FAM135A: variants seen among roughly 807,000 people sequenced by gnomAD.
FAM135A encodes the protein family with sequence similarity 135 member A, also known as protein FAM135A.
FAM135A carries 79 observed loss-of-function variants against 146.8 expected under a neutral mutation model. That is an observed-to-expected ratio of 0.54 (90% CI 0.45 to 0.65). The LOEUF is 0.65. Among genes scored for constraint, FAM135A ranks in the 30% least tolerant of loss-of-function variants. FAM135A has a pLI of 0.00. For synonymous variants in FAM135A, 562 were observed against 603.6 expected, an observed-to-expected ratio of 0.93 and a Z score of 1.01; for missense variants, 1,623 against 1,758.2, an observed-to-expected ratio of 0.92 and a Z score of 1.38.
At chr6:70,499,058 T>A (rs1323263261) in intron 11 of FAM135A, among the ~76,000 whole-genome samples, 4 of 152,182 alleles carry the variant, frequency 2.6e-5, no homozygotes, top group Non-Finnish European at 4.4e-5. Context: ...TTGATCTGTC[T>A]AATATTGACA....
chr6:70,430,390 A>T (rs1173532154), intron 4 of FAM135A, among the ~76,000 whole-genome samples: 2 of 152,064 alleles, frequency 1.3e-5, no homozygotes, highest in East Asian at 3.8e-4. Context: ...CCTTCAATTG[A>T]CACACTGTTA....
At chr6:70,479,833 A>G (rs914056848) in intron 8 of FAM135A, among the ~76,000 whole-genome samples, 2 of 151,996 alleles carry the variant, frequency 1.3e-5, no homozygotes, top group African/African-American at 4.8e-5. Flanking sequence ...GTGGCTTAGG[A>G]TTTCTTTCTT....
At chr6:70,491,345 CTTCTG>C in intron 11 of FAM135A, among the ~76,000 whole-genome samples, 1 of 151,976 alleles carries the variant, frequency 6.6e-6, no homozygotes, top group Middle Eastern at 3.4e-3. Flanking sequence ...AGTACATTTT[CTTCTG>C]TTCACTCACT....
chr6:70,482,525 T>A (rs1464834919), intron 10 of FAM135A, among the ~76,000 whole-genome samples: 1 of 152,162 alleles, frequency 6.6e-6, no homozygotes, highest in Non-Finnish European at 1.5e-5. Flanking sequence ...CTAATCAGAT[T>A]GTAGGTACTT....
chr6:70,507,007 A>C (rs1789926372), intron 12 of FAM135A, among the ~76,000 whole-genome samples: 1 of 151,996 alleles, frequency 6.6e-6, no homozygotes, highest in Admixed American at 6.6e-5. Flanking sequence ...CAACTTTGAG[A>C]AGAAGGGACA....
chr6:70,505,708 G>A (rs1311439734), intron 12 of FAM135A, among the ~76,000 whole-genome samples: 2 of 151,672 alleles, frequency 1.3e-5, no homozygotes, highest in Admixed American at 6.6e-5. Context: ...CTAGTTGTTT[G>A]TGCCTTCACT....
At chr6:70,443,335 T>C (rs1774983943) in intron 4 of FAM135A, among the ~76,000 whole-genome samples, 1 of 152,242 alleles carries the variant, frequency 6.6e-6, no homozygotes, top group Non-Finnish European at 1.5e-5. Context: ...AACCTCCTAG[T>C]GCAATACATT....
chr6:70,486,129 G>A, intron 10 of FAM135A: 2 of 1,576,878 alleles, frequency 1.3e-6, no homozygotes, highest in Non-Finnish European at 1.7e-6. Context: ...TGTGAAAGGA[G>A]TATAGTAACT....
chr6:70,486,451 T>C (rs904449517), intron 10 of FAM135A, among the ~76,000 whole-genome samples: 1 of 152,244 alleles, frequency 6.6e-6, no homozygotes, highest in African/African-American at 2.4e-5. Context: ...AAGTTTTTAC[T>C]TAAATCTGGA....
chr6:70,515,394 C>T (rs111759665), intron 12 of FAM135A, among the ~76,000 whole-genome samples: 70 of 152,234 alleles, frequency 4.6e-4, no homozygotes, highest in African/African-American at 1.6e-3. Flanking sequence ...AAACTGTTGT[C>T]CATTCATACA....
intron 4 of FAM135A, among the ~76,000 whole-genome samples, chr6:70,451,047 T>C (rs919361320): frequency 6.6e-6 from 1 of 152,072 alleles, no homozygotes; most frequent in African/African-American, 2.4e-5. Context: ...CTGGCCACTT[T>C]CCTCTTTTTG....
At chr6:70,471,593 A>G (rs979802759) in intron 5 of FAM135A, among the ~76,000 whole-genome samples, 1 of 117,104 alleles carries the variant, frequency 8.5e-6, no homozygotes, top group Non-Finnish European at 1.5e-5. Flanking sequence ...GAGAGGATCA[A>G]TCAGGAAGAA....
intron 21 of FAM135A, among the ~76,000 whole-genome samples, chr6:70,558,581 A>G (rs1297759203): frequency 6.6e-6 from 1 of 152,038 alleles, no homozygotes; most frequent in African/African-American, 2.4e-5. Flanking sequence ...AGGCTGAGGC[A>G]GGAGGATCAC....
chr6:70,416,802 T>C (rs1283971325), intron 2 of FAM135A, among the ~76,000 whole-genome samples: 1 of 152,172 alleles, frequency 6.6e-6, no homozygotes, highest in Non-Finnish European at 1.5e-5. Context: ...AATGGTAATA[T>C]AGAAGAAATC....
chr6:70,467,760 C>G (rs1780754655), intron 5 of FAM135A, among the ~76,000 whole-genome samples: 1 of 152,026 alleles, frequency 6.6e-6, no homozygotes, highest in East Asian at 1.9e-4. Context: ...CTTCTCTCTT[C>G]ATTTTAAAAT....
Position 70,532,814 on chromosome 6 carries a change from C to T in FAM135A, c.3776-346C>T, listed in dbSNP as rs556912150. Among the ~76,000 whole-genome samples, 10 of 152,230 alleles carry T rather than the reference C, an allele frequency of 6.6e-5. No individual in the cohort carries two copies. In the South Asian group the frequency reaches 1.9e-3, roughly 28 times the overall value. ...GGGCATGGTGGGATGCACCTGTAGT[C>T]CCAGCTACTTGGGAGCTTGAGGCAG... On this transcript the variant is annotated intron_variant, in intron 16 of 21. Coordinates refer to ENST00000418814, the MANE Select transcript of FAM135A (RefSeq NM_001162529.3).
rs778915980 is a variant in FAM135A at position 70,481,998 on chromosome 6, T to C, written c.670-3T>C. The C allele has an allele frequency of 1.9e-6, 3 of 1,609,870 alleles. No homozygotes were observed. The highest frequency in any genetic ancestry group is 2.5e-6 in the Non-Finnish European group (3 of 1,178,092). ...CTGTATCCTACATCTGTTTTTTGTT[T>C]AGGGTTGTAGCTTCATCATTGCAGA... On this transcript the variant is annotated splice_region_variant and splice_polypyrimidine_tract_variant and intron_variant, in intron 9 of 21. Coordinates refer to ENST00000418814, the MANE Select transcript of FAM135A (RefSeq NM_001162529.3).
At chr6:70,518,042 A>G (rs1293932542) in intron 12 of FAM135A, among the ~76,000 whole-genome samples, 1 of 152,208 alleles carries the variant, frequency 6.6e-6, no homozygotes, top group Non-Finnish European at 1.5e-5. Flanking sequence ...AAGCTTAGGG[A>G]GGAAGGCATG....
chr6:70,486,169 A>C (rs1417169316), intron 10 of FAM135A: 6 of 1,613,550 alleles, frequency 3.7e-6, no homozygotes, highest in Non-Finnish European at 5.1e-6. Flanking sequence ...ATGACTAGCC[A>C]AGGCCAACAT....
Sources: gnomAD v4.1 joint callset for allele counts (sites outside exome capture counted in the v4.1 genomes callset) on GRCh38, gnomAD v4.1.1 for gene constraint, MANE v1.5 for transcripts, NCBI Gene and HGNC (gene_info 2026-07-23, HGNC 2026-07-21) for gene names.